The following MED12L variants were observed in gnomAD, a reference collection of about 807,000 sequenced individuals.
MED12L encodes mediator of RNA polymerase II transcription subunit 12-like protein.
In MED12L, 60 loss-of-function variants were observed where a neutral mutation model predicts 281.3. That is an observed-to-expected ratio of 0.21 (90% CI 0.17 to 0.26). MED12L has a LOEUF of 0.26. MED12L is among the 10% of genes least tolerant of loss of function. The pLI is 1.00. For synonymous variants in MED12L, 974 were observed against 987.2 expected (o/e 0.99, Z 0.25); for missense variants, 2,146 against 2,680.9 (o/e 0.80, Z 4.41).
At chr3:151,158,282 T>A in intron 6 of MED12L, among the ~76,000 whole-genome samples, 1 of 152,132 alleles carries the variant, frequency 6.6e-6, no homozygotes. Flanking sequence ...GGGCATTGGG[T>A]CTGATGGGAT....
At chr3:151,327,970 A>C in intron 16 of MED12L, 3 of 1,486,480 alleles carry the variant, frequency 2.0e-6, no homozygotes. Flanking sequence ...AATAAATAGA[A>C]GTTAACCCTA....
At chr3:151,423,239 GC>G (rs1198104028) in intron 43 of MED12L, among the ~76,000 whole-genome samples, 1 of 151,224 alleles carries the variant, frequency 6.6e-6, no homozygotes, top group Admixed American at 6.6e-5. Context: ...TGGATTCATT[GC>G]TTTTTGACTA....
intron 16 of MED12L, among the ~76,000 whole-genome samples, chr3:151,345,159 G>T (rs538943229): frequency 6.6e-6 from 1 of 152,194 alleles, no homozygotes; most frequent in Non-Finnish European, 1.5e-5. Context: ...TCTAAAGGAC[G>T]AGATTTTTAG....
intron 16 of MED12L, among the ~76,000 whole-genome samples, chr3:151,206,640 A>ATTTTTTTT (rs1216609130): frequency 1.9e-3 from 30 of 15,980 alleles, no homozygotes; most frequent in Admixed American, 5.2e-3. Flanking sequence ...CTAACACATT[A>ATTTTTTTT]TCTTTTTTTT....
intron 16 of MED12L, among the ~76,000 whole-genome samples, chr3:151,287,130 A>C (rs1743613079): frequency 6.6e-6 from 1 of 152,182 alleles, no homozygotes; most frequent in Admixed American, 6.5e-5. Context: ...GTTATTAGAA[A>C]ATAATCAGTC....
At chr3:151,386,543 C>T (rs1269080385) in intron 36 of MED12L, among the ~76,000 whole-genome samples, 1 of 151,278 alleles carries the variant, frequency 6.6e-6, no homozygotes, top group Non-Finnish European at 1.5e-5. Context: ...ACATGCACCA[C>T]CAGGCCCAGC....
At chr3:151,289,440 A>C (rs1373427714) in intron 16 of MED12L, among the ~76,000 whole-genome samples, 3 of 152,226 alleles carry the variant, frequency 2.0e-5, no homozygotes, top group African/African-American at 4.8e-5. Flanking sequence ...CTATTCAAGG[A>C]CGTATGATAT....
chr3:151,319,091 C>G lies in MED12L; in HGVS notation c.2251-30968C>G, dbSNP rs1214734537. Among the ~76,000 whole-genome samples, 3 of 152,120 alleles carry G rather than the reference C, an allele frequency of 2.0e-5. No individual in the cohort carries two copies. The East Asian group carries it at 5.8e-4, about 29-fold the overall frequency. On this transcript the variant is annotated intron_variant, in intron 16 of 44. Transcript: ENST00000687756. ...CGCAAGGCAGCCTTTATGCGTTAGTCTTAAAGTATATTATGCCAGTCTCAA... is the reference window on the plus strand; with the variant it reads ...CGCAAGGCAGCCTTTATGCGTTAGTGTTAAAGTATATTATGCCAGTCTCAA...
chr3:151,117,979 T>A (rs1713107277), intron 3 of MED12L, among the ~76,000 whole-genome samples: 2 of 150,620 alleles, frequency 1.3e-5, no homozygotes, highest in African/African-American at 4.9e-5. Context: ...TAATCCCAGC[T>A]ACTTGGGAGG....
chr3:151,090,142 C>T (rs947516495), intron 2 of MED12L, among the ~76,000 whole-genome samples: 2 of 152,084 alleles, frequency 1.3e-5, no homozygotes, highest in Admixed American at 1.3e-4. Flanking sequence ...GAAAGGTAGG[C>T]TCTGGTGCCA....
At chr3:151,109,373 A>G (rs1292658895) in intron 2 of MED12L, among the ~76,000 whole-genome samples, 1 of 152,160 alleles carries the variant, frequency 6.6e-6, no homozygotes, top group Non-Finnish European at 1.5e-5. Flanking sequence ...TCAGTGTAGA[A>G]TACAAAAATA....
At chr3:151,170,341 T>G (rs1189315823) in intron 11 of MED12L, among the ~76,000 whole-genome samples, 1 of 151,252 alleles carries the variant, frequency 6.6e-6, no homozygotes, top group Admixed American at 6.6e-5. Context: ...AGTGGCGTGA[T>G]CTTGGCTCAC....
At chr3:151,432,026 C>T (rs1365553805) in intron 44 of MED12L, among the ~76,000 whole-genome samples, 1 of 152,230 alleles carries the variant, frequency 6.6e-6, no homozygotes, top group Admixed American at 6.5e-5. Context: ...GCCTGATAAG[C>T]AGTTATGCCA....
chr3:151,114,361 A>G (rs945993089), intron 2 of MED12L, among the ~76,000 whole-genome samples: 5 of 152,226 alleles, frequency 3.3e-5, no homozygotes, highest in Admixed American at 6.5e-5. Context: ...CCAAGGCATT[A>G]GTAAGAGCAC....
chr3:151,211,272 C>CT (rs1204033420), intron 16 of MED12L, among the ~76,000 whole-genome samples: 1 of 151,962 alleles, frequency 6.6e-6, no homozygotes, highest in African/African-American at 2.4e-5. Context: ...TTCACTTTCA[C>CT]TTTTTTACCA....
chr3:151,247,761 TAAA>T (rs71138490), intron 16 of MED12L, among the ~76,000 whole-genome samples: 5 of 144,136 alleles, frequency 3.5e-5, no homozygotes, highest in African/African-American at 5.2e-5. Context: ...TAATGTATAA[TAAA>T]AAAAAAAAGC....
chr3:151,321,651 T>C (rs552547604), intron 16 of MED12L, among the ~76,000 whole-genome samples: 46 of 152,354 alleles, frequency 3.0e-4, no homozygotes, highest in African/African-American at 1.0e-3. Context: ...TCTGTTATTA[T>C]GCCTCAGGAT....
At chr3:151,348,518 A>G (rs1330767856) in intron 16 of MED12L, among the ~76,000 whole-genome samples, 4 of 151,472 alleles carry the variant, frequency 2.6e-5, no homozygotes, top group Non-Finnish European at 5.9e-5. Flanking sequence ...AATTTGGGAG[A>G]GGTACTCAGG....
rs369895010 is a variant in MED12L, at chr3:151,378,192, C to T, written c.4478+19C>T. On this transcript the variant is annotated intron_variant, in intron 31 of 44. Coordinates refer to ENST00000687756, the MANE Select transcript of MED12L (RefSeq NM_001393769.1). Reference sequence around the variant, plus strand: ...AGAAAAGGTGTGGCTGGAAGATGGGCGTCTGTGTGAGAGTTTAAAGAATAA... The same window carrying T: ...AGAAAAGGTGTGGCTGGAAGATGGGTGTCTGTGTGAGAGTTTAAAGAATAA... 31 of 1,582,356 alleles carry T rather than the reference C, an allele frequency of 2.0e-5. No individual in the cohort carries two copies. Among genetic ancestry groups the T allele is most frequent in the East Asian group, 4.6e-5 (2 of 43,806 alleles).
Sources: gnomAD v4.1 joint callset for allele counts (sites outside exome capture counted in the v4.1 genomes callset) on GRCh38, gnomAD v4.1.1 for gene constraint, MANE v1.5 for transcripts, NCBI Gene and HGNC (gene_info 2026-07-23, HGNC 2026-07-21) for gene names.